NFATC2: variants seen among roughly 807,000 people sequenced by gnomAD.
The protein encoded by NFATC2 is nuclear factor of activated T-cells, cytoplasmic 2.
In NFATC2, 22 loss-of-function variants were observed where a neutral mutation model predicts 87.3. The observed-to-expected ratio is 0.25, with a 90% CI of 0.18 to 0.36. NFATC2 has a LOEUF of 0.36. Ranked by LOEUF, NFATC2 falls within the 10% of genes least tolerant of loss-of-function variation. NFATC2 has a pLI of 1.00. For missense variants in NFATC2, 1,149 were observed against 1,259.1 expected, an observed-to-expected ratio of 0.91 and a Z score of 1.32; for synonymous variants, 565 against 542.2, an observed-to-expected ratio of 1.04 and a Z score of -0.58.
At chr20:51,516,128 T>G (rs1034993550) in intron 3 of NFATC2, among the ~76,000 whole-genome samples, 1 of 151,896 alleles carries the variant, frequency 6.6e-6, no homozygotes, top group African/African-American at 2.4e-5. Context: ...ACTTCTCTAC[T>G]TATTTTGAAA....
At chr20:51,515,358 C>A (rs2076335136) in intron 3 of NFATC2, among the ~76,000 whole-genome samples, 1 of 152,220 alleles carries the variant, frequency 6.6e-6, no homozygotes, top group Admixed American at 6.5e-5. Flanking sequence ...ATGGCCATGC[C>A]TTCAGAACAG....
In NFATC2 at chr20:51,542,158, T is replaced by C. The variant is rs371030370; in HGVS notation, c.130+212A>G. Among the ~76,000 whole-genome samples, 9 of 152,214 alleles carry C rather than the reference T, an allele frequency of 5.9e-5. 1 individual carries two copies. The highest frequency in any genetic ancestry group is 1.9e-4 in the East Asian group (1 of 5,142). ...GGAGCAGTCATGAGCAACCAGAAAC[T>C]GGTGCCCCTAAGGGGCAAGAGGGAG... On this transcript the variant is annotated intron_variant, in intron 1 of 10. Transcript: ENST00000371564.
At chr20:51,433,629 C>T (rs1011777955) in intron 8 of NFATC2, among the ~76,000 whole-genome samples, 4 of 152,200 alleles carry the variant, frequency 2.6e-5, no homozygotes, top group African/African-American at 9.7e-5. Flanking sequence ...TCCCCAACAT[C>T]CATACTAAAG....
chr20:51,524,275 A>C lies in NFATC2; in HGVS notation c.131-165T>G, dbSNP rs1356573651. Among the ~76,000 whole-genome samples, 1 of 152,160 alleles carries C rather than the reference A, an allele frequency of 6.6e-6. No homozygotes were observed. Among genetic ancestry groups the C allele is most frequent in the Non-Finnish European group, 1.5e-5 (1 of 68,026 alleles). On this transcript the variant is annotated intron_variant, in intron 1 of 10. Coordinates refer to ENST00000371564, the MANE Select transcript of NFATC2 (RefSeq NM_012340.5). This position sits in a 1 kb window ranked among gnomAD's most constrained non-coding sequence, Gnocchi z 4.0. ...TCCGTCCCTCACCAGAAGAAAACTG[A>C]GGCCACTTTGTCCCAGGTCCCTGGA...
At chr20:51,506,642 C>A (rs1208784816) in intron 3 of NFATC2, among the ~76,000 whole-genome samples, 1 of 152,164 alleles carries the variant, frequency 6.6e-6, no homozygotes, top group Non-Finnish European at 1.5e-5. Flanking sequence ...GGCCTCCACA[C>A]CCACTAAACC....
At chr20:51,448,924 A>G (rs975133264) in intron 6 of NFATC2, among the ~76,000 whole-genome samples, 2 of 152,232 alleles carry the variant, frequency 1.3e-5, no homozygotes, top group Non-Finnish European at 2.9e-5. Context: ...GCCATTTTCC[A>G]AAACACCAAG....
intron 9 of NFATC2, 160 bp from the exon 10 acceptor site, chr20:51,398,890 G>C: frequency 1.6e-6 from 1 of 612,550 alleles, no homozygotes; most frequent in East Asian, 2.8e-5. Context: ...TAGCATTTGT[G>C]CCAGAATTAA....
At chr20:51,479,437 G>A (rs1195703886) in intron 3 of NFATC2, among the ~76,000 whole-genome samples, 1 of 152,102 alleles carries the variant, frequency 6.6e-6, no homozygotes, top group Admixed American at 6.6e-5. Flanking sequence ...GGACAACATG[G>A]CCTGACCCGT....
intron 9 of NFATC2, among the ~76,000 whole-genome samples, chr20:51,418,701 C>A (rs572648637): frequency 3.7e-5 from 5 of 136,266 alleles, no homozygotes; most frequent in African/African-American, 1.1e-4. Context: ...CTCGCTCTGT[C>A]CCCCAGGCTG....
chr20:51,436,449 C>T (rs1983592812), intron 6 of NFATC2, among the ~76,000 whole-genome samples: 1 of 149,788 alleles, frequency 6.7e-6, no homozygotes, highest in Admixed American at 6.7e-5. Context: ...TGGCTTATGC[C>T]TGTAATCCAA....
At chr20:51,400,307 C>CTCAGGCA (rs887181670) in intron 9 of NFATC2, among the ~76,000 whole-genome samples, 1 of 152,180 alleles carries the variant, frequency 6.6e-6, no homozygotes, top group African/African-American at 2.4e-5. Flanking sequence ...TTCAGTGGAT[C>CTCAGGCA]TCAGGCATCA....
chr20:51,509,589 G>A (rs1338028635), intron 3 of NFATC2, among the ~76,000 whole-genome samples: 1 of 152,162 alleles, frequency 6.6e-6, no homozygotes, highest in Non-Finnish European at 1.5e-5. Context: ...ATTAGCATCA[G>A]CAAGAACTAC....
rs555397268 is a variant in NFATC2, at chr20:51,495,422, C to T, written c.1333-19762G>A. 9.5e-4 allele frequency among the ~76,000 whole-genome samples: 145 copies of T among 152,206 alleles called. 2 individuals are homozygous for T. Among genetic ancestry groups the T allele is most frequent in the African/African-American group, 3.3e-3 (138 of 41,542 alleles). On this transcript the variant is annotated intron_variant, in intron 3 of 10. Coordinates refer to ENST00000371564, the MANE Select transcript of NFATC2 (RefSeq NM_012340.5). ...CCTTTCTTAAAAAGACTTGTGTGAC[C>T]GCATATTCACCTCAAAGAGAACACA...
chr20:51,449,262 A>G (rs1193019814), intron 6 of NFATC2, among the ~76,000 whole-genome samples: 1 of 152,206 alleles, frequency 6.6e-6, no homozygotes, highest in Non-Finnish European at 1.5e-5. Flanking sequence ...GTTGAGCAAC[A>G]GGGATTCCCC....
At chr20:51,503,028 A>G (rs922746612) in intron 3 of NFATC2, among the ~76,000 whole-genome samples, 2 of 152,186 alleles carry the variant, frequency 1.3e-5, no homozygotes, top group Non-Finnish European at 2.9e-5. Flanking sequence ...CAGTATGCCA[A>G]ATCCTTCATA....
chr20:51,432,835 T>C lies in NFATC2; in HGVS notation c.2033-79A>G. The C allele has an allele frequency of 7.6e-7, 1 of 1,321,544 alleles. No homozygotes were observed. The highest frequency in any genetic ancestry group is 1.0e-6 in the Non-Finnish European group (1 of 994,260). The allele number at this position is 1,321,544 out of a possible 1,614,324, so 81.9% of individuals were successfully genotyped here. ...GCACGGAGGATTCGTGGATGGTGCTTGAGAACATGGCCTTGGGAGTCCATA... is the reference window on the plus strand; with the variant it reads ...GCACGGAGGATTCGTGGATGGTGCTCGAGAACATGGCCTTGGGAGTCCATA... On this transcript the variant is annotated intron_variant, in intron 8 of 10. Transcript: ENST00000371564. The surrounding 1 kb of genome is among the most constrained non-coding windows in gnomAD (Gnocchi z 4.6).
chr20:51,514,128 G>A (rs1266240033), intron 3 of NFATC2, among the ~76,000 whole-genome samples: 2 of 152,188 alleles, frequency 1.3e-5, no homozygotes, highest in Admixed American at 6.5e-5. Context: ...TTTTCTAAAT[G>A]TTTATTATTA....
chr20:51,530,420 C>T (rs1048689157), intron 1 of NFATC2, among the ~76,000 whole-genome samples: 3 of 152,148 alleles, frequency 2.0e-5, no homozygotes, highest in South Asian at 2.1e-4. Flanking sequence ...CTGCCCACCT[C>T]GGCCTGCCAA....
At chr20:51,540,522 C>T (rs1600992689) in intron 1 of NFATC2, among the ~76,000 whole-genome samples, 1 of 152,054 alleles carries the variant, frequency 6.6e-6, no homozygotes, top group East Asian at 1.9e-4. Flanking sequence ...TTGTTGGTTA[C>T]AATAAATGCA....
Sources: gnomAD v4.1 joint callset for allele counts (sites outside exome capture counted in the v4.1 genomes callset) on GRCh38, gnomAD v4.1.1 for gene constraint, Gnocchi (gnomAD v3.1) non-coding constraint, MANE v1.5 for transcripts, NCBI Gene and HGNC (gene_info 2026-07-23, HGNC 2026-07-21) for gene names.